The following NOX4 variants were observed in gnomAD, a reference collection of about 807,000 sequenced individuals.
NOX4 encodes the protein kidney oxidase-1.
Under a neutral mutation model 87.6 loss-of-function variants are expected in NOX4, and 69 were observed. The observed-to-expected ratio is 0.79, with a 90% confidence interval of 0.65 to 0.96. NOX4 has a LOEUF of 0.96. Among genes scored for constraint, NOX4 ranks in the 40% least tolerant of loss-of-function variants. NOX4 has a pLI of 0.00. For missense variants in NOX4, 680 were observed against 681.5 expected, an observed-to-expected ratio of 1.00 and a Z score of 0.02; for synonymous variants, 275 against 238.2, an observed-to-expected ratio of 1.15 and a Z score of -1.42.
intron 11 of NOX4, among the ~76,000 whole-genome samples, chr11:89,399,365 A>G (rs1447839158): frequency 2.0e-5 from 3 of 148,282 alleles, no homozygotes; most frequent in African/African-American, 7.4e-5. Flanking sequence ...AAAATTGTGC[A>G]TATATAAGAT....
At chr11:89,344,116 AATAAT>A (rs1274257465) in intron 13 of NOX4, among the ~76,000 whole-genome samples, 19 of 149,646 alleles carry the variant, frequency 1.3e-4, no homozygotes, top group Non-Finnish European at 2.1e-4. Flanking sequence ...GATATTTAAG[AATAAT>A]ATAATAAATA....
the NOX4 span, among the ~76,000 whole-genome samples, chr11:89,555,318 C>CCACA: frequency 1.3e-5 from 2 of 151,716 alleles, no homozygotes; most frequent in African/African-American, 4.8e-5. Flanking sequence ...GACCTCATCT[C>CCACA]CACACACACA....
intron 13 of NOX4, among the ~76,000 whole-genome samples, chr11:89,354,723 A>T (rs1023834750): frequency 3.9e-5 from 6 of 152,190 alleles, no homozygotes; most frequent in African/African-American, 1.4e-4. Flanking sequence ...TGTTGTCTGC[A>T]CTGTGCGGCA....
At chr11:89,474,880 T>C in intron 2 of NOX4, among the ~76,000 whole-genome samples, 1 of 151,914 alleles carries the variant, frequency 6.6e-6, no homozygotes, top group East Asian at 1.9e-4. Context: ...ATTAAATGGG[T>C]TAATATACTT....
intron 11 of NOX4, among the ~76,000 whole-genome samples, chr11:89,377,584 C>T (rs1049466884): frequency 1.3e-5 from 2 of 151,914 alleles, no homozygotes; most frequent in Non-Finnish European, 2.9e-5. Flanking sequence ...ATATTTGTAA[C>T]TTGTCATATG....
intron 8 of NOX4, among the ~76,000 whole-genome samples, chr11:89,420,249 T>A (rs941605153): frequency 3.3e-5 from 5 of 152,138 alleles, no homozygotes; most frequent in African/African-American, 1.2e-4. Flanking sequence ...TTCTGAGCAT[T>A]TAATAACATA....
intron 8 of NOX4, among the ~76,000 whole-genome samples, chr11:89,404,197 T>C (rs1416534282): frequency 6.6e-6 from 1 of 152,180 alleles, no homozygotes; most frequent in Non-Finnish European, 1.5e-5. Context: ...TTAGACAACC[T>C]AGGAATTTGA....
chr11:89,509,072 TATC>T, the NOX4 span, among the ~76,000 whole-genome samples: 88,152 of 151,556 alleles, frequency 0.58, 26,577 homozygotes, highest in Non-Finnish European at 0.7. Context: ...AAATAATGAA[TATC>T]ATAATTCTGT....
intron 2 of NOX4, chr11:89,488,983 C>T (rs948226650): frequency 2.8e-6 from 2 of 702,406 alleles, no homozygotes; most frequent in African/African-American, 3.5e-5. Context: ...GTATAGGTTT[C>T]AAGACAGTTC....
At chr11:89,547,024 T>C in the NOX4 span, among the ~76,000 whole-genome samples, 1 of 152,194 alleles carries the variant, frequency 6.6e-6, no homozygotes, top group African/African-American at 2.4e-5. Context: ...AATTAAATAA[T>C]GTATATAAAG....
chr11:89,539,204 C>T, the NOX4 span, among the ~76,000 whole-genome samples: 39 of 152,190 alleles, frequency 2.6e-4, no homozygotes, highest in African/African-American at 7.5e-4. Context: ...GAGGCCAAGA[C>T]GGGCAGATCA....
chr11:89,364,253 T>C (rs1476876581), intron 12 of NOX4, among the ~76,000 whole-genome samples: 1 of 152,024 alleles, frequency 6.6e-6, no homozygotes, highest in Non-Finnish European at 1.5e-5. Flanking sequence ...TCTCTCTCTC[T>C]CTTTCTCTCT....
chr11:89,336,970 AACATTTACTGCTTGACTCTGTT>A (rs1408822132), intron 16 of NOX4, among the ~76,000 whole-genome samples: 1 of 152,104 alleles, frequency 6.6e-6, no homozygotes, highest in Non-Finnish European at 1.5e-5. Context: ...AAATGGGAAT[AACATTTACTGCTTGACTCTGTT>A]TTAATTACAT....
intron 2 of NOX4, among the ~76,000 whole-genome samples, chr11:89,468,903 C>T (rs1945814542): frequency 6.6e-6 from 1 of 152,112 alleles, no homozygotes; most frequent in South Asian, 2.1e-4. Context: ...TGCTACCACA[C>T]CTGTCTAATT....
At chr11:89,496,773 GCT>G (rs1286966540), upstream of NOX4, among the ~76,000 whole-genome samples, 1 of 151,978 alleles carries the variant, frequency 6.6e-6, no homozygotes, top group East Asian at 1.9e-4. Context: ...TTCCAAAGAA[GCT>G]CTCTCTCTCC....
At chr11:89,518,412 A>C in the NOX4 span, among the ~76,000 whole-genome samples, 3 of 152,050 alleles carry the variant, frequency 2.0e-5, no homozygotes, top group African/African-American at 4.8e-5. Context: ...ATAAAAAAAA[A>C]CAATAAAATC....
the NOX4 span, among the ~76,000 whole-genome samples, chr11:89,573,770 G>A: frequency 6.6e-6 from 1 of 152,206 alleles, no homozygotes; most frequent in Non-Finnish European, 1.5e-5. Context: ...TGAAGAACAA[G>A]TGTCGCATTC....
intron 6 of NOX4, among the ~76,000 whole-genome samples, chr11:89,436,488 C>A (rs1451559278): frequency 6.6e-6 from 1 of 152,114 alleles, no homozygotes; most frequent in Non-Finnish European, 1.5e-5. Flanking sequence ...CAAACCTATA[C>A]TTGTTTCCTT....
At chr11:89,398,548 G>A (rs1326448116) in intron 11 of NOX4, among the ~76,000 whole-genome samples, 4 of 151,540 alleles carry the variant, frequency 2.6e-5, no homozygotes, top group Non-Finnish European at 5.9e-5. Context: ...ACTTACTTGT[G>A]TATTTTCTCC....
Sources: gnomAD v4.1 joint callset for allele counts (sites outside exome capture counted in the v4.1 genomes callset) on GRCh38, gnomAD v4.1.1 for gene constraint, MANE v1.5 for transcripts, NCBI Gene and HGNC (gene_info 2026-07-23, HGNC 2026-07-21) for gene names.